The following DCHS2 variants were observed in gnomAD, a reference collection of about 807,000 sequenced individuals.
DCHS2 encodes protocadherin-23.
A neutral mutation model predicts 182.4 loss-of-function variants in DCHS2; 142 were observed. The observed-to-expected ratio is 0.78, with a 90% CI of 0.68 to 0.89. DCHS2 has a LOEUF of 0.89. Among genes scored for constraint, DCHS2 ranks in the 40% least tolerant of loss-of-function variants. The pLI is 0.00. For missense variants in DCHS2, 4,319 were observed against 4,198.6 expected, an observed-to-expected ratio of 1.03 and a Z score of -0.79; for synonymous variants, 1,740 against 1,663.3, an observed-to-expected ratio of 1.05 and a Z score of -1.12.
At chr4:154,467,011 A>G (rs1735268462) in intron 1 of DCHS2, among the ~76,000 whole-genome samples, 1 of 152,222 alleles carries the variant, frequency 6.6e-6, no homozygotes, top group South Asian at 2.1e-4. Flanking sequence ...CATCTGGTAC[A>G]GTATTTAGTG....
chr4:154,370,504 G>A (rs1730594073), intron 2 of DCHS2, among the ~76,000 whole-genome samples: 1 of 152,152 alleles, frequency 6.6e-6, no homozygotes, highest in African/African-American at 2.4e-5. Flanking sequence ...GTATGCTTAT[G>A]AGGGTCATCC....
Position 154,236,994 on chromosome 4 carries a change from G to A in DCHS2, c.7658C>T (p.Ser2553Phe), listed in dbSNP as rs1283887346. The A allele has an allele frequency of 1.2e-6, 2 of 1,613,964 alleles. No individual in the cohort carries two copies. Among genetic ancestry groups the A allele is most frequent in the African/African-American group, 1.3e-5 (1 of 75,020 alleles). The change falls in exon 20 of 20, where the codon TCC becomes TTC. Residue 2553 changes from serine to phenylalanine, a missense_variant. By Grantham distance (155) the Ser-to-Phe change is radical. Coordinates refer to ENST00000357232, the MANE Select transcript of DCHS2 (RefSeq NM_001358235.2). ...NNYAPEFTVK[S>F]YNLSLSEDAL... ...ATCCTCACTTAGGCTAAGATTATAGGATTTGACTGTGAATTCAGGGGCATA... is the reference window on the plus strand; with the variant it reads ...ATCCTCACTTAGGCTAAGATTATAGAATTTGACTGTGAATTCAGGGGCATA...
In DCHS2 at chr4:154,374,032, T is replaced by G. The variant is rs1730775619; in HGVS notation, c.2244+3221A>C. The G allele has an allele frequency of 3.3e-6, 4 of 1,227,000 alleles. 1 individual carries two copies. The East Asian group carries it at 9.6e-5, about 29-fold the overall frequency. The allele number at this position is 1,227,000 out of a possible 1,614,324, so 76.0% of individuals were successfully genotyped here. A position where few individuals can be genotyped will look rare whatever the true frequency, so the allele number is the denominator to read the frequency against. On this transcript the variant is annotated intron_variant, in intron 2 of 19. Coordinates refer to ENST00000357232, the MANE Select transcript of DCHS2 (RefSeq NM_001358235.2). ...AAAAAAAAAAAAAAAAAAACTTGCT[T>G]ATATAACCACCTCTATATCTACAAT...
intron 1 of DCHS2, among the ~76,000 whole-genome samples, chr4:154,456,667 C>T (rs1158097875): frequency 6.6e-6 from 1 of 152,128 alleles, no homozygotes; most frequent in Non-Finnish European, 1.5e-5. Flanking sequence ...ACTGGAAGGA[C>T]TTGATGGATT....
Position 154,332,923 on chromosome 4 carries a change from C to T in DCHS2, c.3285G>A (p.Glu1095=), listed in dbSNP as rs181428046. ...GCATTTGTGTCATCGGTGAGAGAGACTCACTGACTTCCACTTGATAGACCA... is the reference window on the plus strand; with the variant it reads ...GCATTTGTGTCATCGGTGAGAGAGATTCACTGACTTCCACTTGATAGACCA... ...EHLVYQVEVS[E]SLSPMTQMLQ... is the part of the protein sequence containing the mutation. Residue 1095 remains glutamate (E), a synonymous_variant, in exon 5 of 20, where the codon GAG becomes GAA. Transcript: ENST00000357232. The T allele has an allele frequency of 1.7e-5, 27 of 1,614,206 alleles. No homozygotes were observed. The Admixed American group carries it at 2.5e-4, about 15-fold the overall frequency.
At chr4:154,408,837 C>T (rs997630697) in intron 1 of DCHS2, among the ~76,000 whole-genome samples, 19 of 152,122 alleles carry the variant, frequency 1.2e-4, no homozygotes, top group Admixed American at 3.3e-4. Context: ...CAAGGGGACC[C>T]CAGCAGTCCT....
At chr4:154,337,961 G>A (rs1728894761) in intron 3 of DCHS2, among the ~76,000 whole-genome samples, 1 of 151,958 alleles carries the variant, frequency 6.6e-6, no homozygotes, top group Non-Finnish European at 1.5e-5. Context: ...GCCTGGTCTC[G>A]AACTCCTGAC....
intron 2 of DCHS2, among the ~76,000 whole-genome samples, chr4:154,367,255 C>T (rs527303966): frequency 2.4e-4 from 36 of 152,254 alleles, no homozygotes; most frequent in African/African-American, 7.7e-4. Flanking sequence ...GATGTTAACA[C>T]TGCTCTAGCT....
chr4:154,449,295 T>C (rs766698274), intron 1 of DCHS2, among the ~76,000 whole-genome samples: 3 of 152,198 alleles, frequency 2.0e-5, no homozygotes, highest in Non-Finnish European at 4.4e-5. Context: ...TATGATATTT[T>C]CAATTAATCT....
chr4:154,367,285 G>T (rs761148227), intron 2 of DCHS2, among the ~76,000 whole-genome samples: 1 of 152,264 alleles, frequency 6.6e-6, no homozygotes, highest in South Asian at 2.1e-4. Flanking sequence ...AGAACAGACC[G>T]AAGAGCAGCA....
intron 13 of DCHS2, 36 bp from the exon 14 acceptor site, chr4:154,270,049 A>G: frequency 6.4e-7 from 1 of 1,564,170 alleles, no homozygotes; most frequent in Non-Finnish European, 8.6e-7. Flanking sequence ...CTCCATTAGG[A>G]TAAAAAAATT....
At chr4:154,255,771 A>G in intron 15 of DCHS2, 101 bp from the exon 16 acceptor site, 1 of 1,406,120 alleles carries the variant, frequency 7.1e-7, no homozygotes, top group Non-Finnish European at 9.3e-7. Flanking sequence ...CAGCTTGTCA[A>G]ACATATTTTA....
At chr4:154,350,337 C>G (rs995470857) in intron 3 of DCHS2, among the ~76,000 whole-genome samples, 2 of 152,126 alleles carry the variant, frequency 1.3e-5, no homozygotes, top group African/African-American at 4.8e-5. Flanking sequence ...CAAAAACAAG[C>G]AAATCATTGG....
chr4:154,408,571 T>C (rs1732494405), intron 1 of DCHS2, among the ~76,000 whole-genome samples: 2 of 152,182 alleles, frequency 1.3e-5, no homozygotes, highest in African/African-American at 2.4e-5. Flanking sequence ...TAAAGCAAGA[T>C]AGCCAACTAG....
At chr4:154,423,424 A>G (rs1733192170) in intron 1 of DCHS2, among the ~76,000 whole-genome samples, 1 of 152,208 alleles carries the variant, frequency 6.6e-6, no homozygotes, top group Non-Finnish European at 1.5e-5. Flanking sequence ...TTCATAGTTG[A>G]ATAATTGGTT....
chr4:154,376,833 T>A (rs905504379), intron 2 of DCHS2, among the ~76,000 whole-genome samples: 1 of 152,268 alleles, frequency 6.6e-6, no homozygotes, highest in South Asian at 2.1e-4. Flanking sequence ...CTTGGTTTTT[T>A]AAAAAAGCCA....
At position 154,242,787 on chromosome 4, in the gene DCHS2, G is replaced by C. The variant is rs749430583; in HGVS notation, c.6942-15C>G. 1.3e-6 allele frequency: 2 copies of C among 1,588,400 alleles called. No individual in the cohort carries two copies. The highest frequency in any genetic ancestry group is 3.7e-5 in the Admixed American group (2 of 53,584). ...GGACAATCAAGCTGGTTTGGAAAAAGAATCAAAGAATGTGATTCATCATCC... is the reference window on the plus strand; with the variant it reads ...GGACAATCAAGCTGGTTTGGAAAAACAATCAAAGAATGTGATTCATCATCC... On this transcript the variant is annotated splice_polypyrimidine_tract_variant and intron_variant, in intron 16 of 19. Coordinates refer to ENST00000357232, the MANE Select transcript of DCHS2 (RefSeq NM_001358235.2).
At chr4:154,290,042 A>T (rs1734581269) in intron 13 of DCHS2, among the ~76,000 whole-genome samples, 1 of 152,076 alleles carries the variant, frequency 6.6e-6, no homozygotes, top group South Asian at 2.1e-4. Flanking sequence ...ATTTGGAAAA[A>T]CCTAAAGACT....
chr4:154,356,990 T>C (rs576372953), intron 3 of DCHS2, among the ~76,000 whole-genome samples: 2 of 152,250 alleles, frequency 1.3e-5, no homozygotes, highest in African/African-American at 2.4e-5. Context: ...TCTTCCTTCA[T>C]CTTTTTGTTA....
Sources: allele counts gnomAD v4.1 joint callset (sites outside exome capture counted in the v4.1 genomes callset), GRCh38; gene constraint gnomAD v4.1.1; transcripts MANE v1.5; gene names NCBI Gene and HGNC (gene_info 2026-07-23, HGNC 2026-07-21).